ANO1: variants seen among roughly 807,000 people sequenced by gnomAD.
ANO1 encodes the protein anoctamin 1.
A neutral mutation model predicts 124.0 loss-of-function variants in ANO1; 59 were observed. The ratio of observed to expected loss-of-function variants is 0.48; its 90% confidence interval spans 0.39 to 0.59. The LOEUF is 0.59. Ranked by LOEUF, ANO1 falls within the 20% of genes least tolerant of loss-of-function variation. The pLI is 0.00. For synonymous variants in ANO1, 529 were observed against 532.0 expected (o/e 0.99, Z 0.08); for missense variants, 1,059 against 1,328.0 (o/e 0.80, Z 3.15).
intron 1 of ANO1, among the ~76,000 whole-genome samples, chr11:70,056,700 GGTC>G (rs375877949): frequency 2.0e-4 from 30 of 151,870 alleles, no homozygotes; most frequent in African/African-American, 7.0e-4. Context: ...GAAAATTCTT[GGTC>G]AGACACTTCA....
chr11:69,977,317 A>T, the ANO1 span, among the ~76,000 whole-genome samples: 1 of 152,250 alleles, frequency 6.6e-6, no homozygotes, highest in African/African-American at 2.4e-5. Context: ...GAAGTAGTCC[A>T]TATGCTGTAA....
chr11:70,161,596 C>T, intron 17 of ANO1, 26 bp from the exon 18 acceptor site: 1 of 1,609,088 alleles, frequency 6.2e-7, no homozygotes, highest in Non-Finnish European at 8.5e-7. Context: ...GCCACAGCCT[C>T]AGTATCATCC....
At chr11:70,178,522 C>T (rs2048815874) in intron 22 of ANO1, among the ~76,000 whole-genome samples, 1 of 151,982 alleles carries the variant, frequency 6.6e-6, no homozygotes, top group Admixed American at 6.6e-5. Context: ...GTGACTGTCA[C>T]TTCTCAAATT....
chr11:70,091,037 G>A (rs1340464822), intron 2 of ANO1, among the ~76,000 whole-genome samples: 2 of 152,212 alleles, frequency 1.3e-5, no homozygotes, highest in Admixed American at 6.5e-5. Context: ...TGGTTTGGGC[G>A]GCCTGTTCTC....
At chr11:70,107,930 A>T (rs1456692033) in intron 5 of ANO1, among the ~76,000 whole-genome samples, 1 of 152,204 alleles carries the variant, frequency 6.6e-6, no homozygotes, top group Non-Finnish European at 1.5e-5. Context: ...AGAGTCCTAG[A>T]ACATTCAGGG....
intron 10 of ANO1, 94 bp from the exon 11 acceptor site, chr11:70,131,825 G>T: frequency 6.9e-7 from 1 of 1,445,394 alleles, no homozygotes; most frequent in Non-Finnish European, 9.3e-7. Flanking sequence ...CCCCCAGCTT[G>T]GGCCCAGCGC....
chr11:69,968,102 G>A, the ANO1 span, among the ~76,000 whole-genome samples: 2 of 152,148 alleles, frequency 1.3e-5, no homozygotes, highest in Non-Finnish European at 2.9e-5. Context: ...TTCATCCCAA[G>A]GTTTATCGAG....
intron 11 of ANO1, among the ~76,000 whole-genome samples, chr11:70,148,203 C>T (rs2047456878): frequency 6.6e-6 from 1 of 152,146 alleles, no homozygotes; most frequent in Non-Finnish European, 1.5e-5. Flanking sequence ...TCGCACAGCC[C>T]ATTTTATTTG....
intron 15 of ANO1, among the ~76,000 whole-genome samples, chr11:70,156,746 A>T (rs2047831478): frequency 6.6e-6 from 1 of 152,200 alleles, no homozygotes; most frequent in African/African-American, 2.4e-5. Context: ...GACATAGGTG[A>T]TAAACCCCGA....
chr11:70,098,276 G>T (rs2045098677), intron 2 of ANO1, among the ~76,000 whole-genome samples: 2 of 152,232 alleles, frequency 1.3e-5, no homozygotes, highest in South Asian at 2.1e-4. Flanking sequence ...GTGTTCTGTG[G>T]GTGCTCGAGG....
At chr11:70,016,093 T>A (rs982353380) in intron 1 of ANO1, among the ~76,000 whole-genome samples, 2 of 151,780 alleles carry the variant, frequency 1.3e-5, no homozygotes, top group African/African-American at 4.8e-5. Context: ...AGTGGTGCAA[T>A]CTCGGTTCAC....
chr11:70,060,926 G>A (rs1210825864), intron 1 of ANO1, among the ~76,000 whole-genome samples: 1 of 152,150 alleles, frequency 6.6e-6, no homozygotes, highest in African/African-American at 2.4e-5. Flanking sequence ...GAGGAATGGG[G>A]AAAAAACTTA....
chr11:69,991,416 T>C lies in ANO1; in HGVS notation c.58+5250T>C, dbSNP rs572675054. ...CCAAGCCCAGAGACAGATTCCTCCA[T>C]TGACAGCAGGGGTAGGAATGACCCA... On this transcript the variant is annotated intron_variant, in intron 1 of 27. Transcript: ENST00000531349. 1.1e-4 allele frequency among the ~76,000 whole-genome samples: 17 copies of C among 152,240 alleles called. 1 individual carries two copies. The South Asian group carries it at 3.1e-3, about 28-fold the overall frequency.
At chr11:69,968,758 G>GGAAAA in the ANO1 span, among the ~76,000 whole-genome samples, 1 of 152,240 alleles carries the variant, frequency 6.6e-6, no homozygotes, top group Non-Finnish European at 1.5e-5. Flanking sequence ...AGGGGGCTCA[G>GGAAAA]AGGCCAGCCT....
intron 1 of ANO1, among the ~76,000 whole-genome samples, chr11:70,036,324 C>A (rs1857092981): frequency 6.6e-6 from 1 of 152,182 alleles, no homozygotes; most frequent in Non-Finnish European, 1.5e-5. Context: ...GTGTCCTTTA[C>A]AGTTGTCCCT....
intron 1 of ANO1, among the ~76,000 whole-genome samples, chr11:70,042,178 C>A (rs1405317208): frequency 1.3e-5 from 2 of 152,104 alleles, no homozygotes; most frequent in Non-Finnish European, 2.9e-5. Flanking sequence ...TGTCCCTTCC[C>A]CAGCCTTAAG....
At chr11:70,014,207 T>C (rs1197870800) in intron 1 of ANO1, among the ~76,000 whole-genome samples, 3 of 152,124 alleles carry the variant, frequency 2.0e-5, no homozygotes, top group Non-Finnish European at 2.9e-5. Flanking sequence ...CTCAGCGTAT[T>C]TTCACAATGT....
chr11:70,187,863 C>T lies in ANO1; in HGVS notation c.2820C>T (p.Asp940=), dbSNP rs2049195023. The T allele has an allele frequency of 6.2e-7, 1 of 1,607,158 alleles. No homozygotes were observed. Among genetic ancestry groups the T allele is most frequent in the Non-Finnish European group, 8.5e-7 (1 of 1,177,180 alleles). ...MVELFMREEQ[D]KQQLLETWME... ...AGCTGTTCATGCGGGAGGAGCAAGACAAGCAGCAGCTGCTGGAAACCTGGA... is the reference window on the plus strand; with the variant it reads ...AGCTGTTCATGCGGGAGGAGCAAGATAAGCAGCAGCTGCTGGAAACCTGGA... Residue 940 remains aspartate (D), a synonymous_variant, in exon 26 of 26, where the codon GAC becomes GAT. Coordinates refer to ENST00000355303, the MANE Select transcript of ANO1 (RefSeq NM_018043.7).
At chr11:70,054,807 T>C (rs1555006638) in intron 1 of ANO1, among the ~76,000 whole-genome samples, 1 of 152,244 alleles carries the variant, frequency 6.6e-6, no homozygotes, top group Non-Finnish European at 1.5e-5. Flanking sequence ...TAATATACAG[T>C]CCTTTTTTAG....
Sources: gnomAD v4.1 joint callset for allele counts (sites outside exome capture counted in the v4.1 genomes callset) on GRCh38, gnomAD v4.1.1 for gene constraint, MANE v1.5 for transcripts, NCBI Gene and HGNC (gene_info 2026-07-23, HGNC 2026-07-21) for gene names.